The following SP140L variants were observed in gnomAD, a reference collection of about 807,000 sequenced individuals.
SP140L encodes SP140 like nuclear body protein, also known as nuclear body protein SP140-like protein.
SP140L carries 64 observed loss-of-function variants against 84.3 expected under a neutral mutation model. The observed-to-expected ratio is 0.76, with a 90% CI of 0.62 to 0.94. The LOEUF is 0.94. Ranked by LOEUF, SP140L falls within the 40% of genes least tolerant of loss-of-function variation. The pLI, the probability that SP140L is intolerant of heterozygous loss-of-function variation, is 0.00. For missense variants in SP140L, 628 were observed against 692.5 expected (o/e 0.91, Z 1.05); for synonymous variants, 242 against 236.9 (o/e 1.02, Z -0.20).
intron 14 of SP140L, among the ~76,000 whole-genome samples, chr2:230,398,127 A>C (rs1454550046): frequency 6.6e-6 from 1 of 152,196 alleles, no homozygotes; most frequent in Non-Finnish European, 1.5e-5. Flanking sequence ...GGGAAATTCT[A>C]AATTAATCAA....
chr2:230,389,345 A>T (rs6753500), intron 10 of SP140L, among the ~76,000 whole-genome samples: 41,160 of 151,818 alleles, frequency 0.27, 5,968 homozygotes, highest in Non-Finnish European at 0.31. Context: ...ACCCCCTGCT[A>T]GGTACAATTT....
rs1291014971 is a variant in SP140L, at chr2:230,353,900, A to G, written c.108-3905A>G. Among the ~76,000 whole-genome samples, 3 of 152,226 alleles carry G rather than the reference A, an allele frequency of 2.0e-5. No individual in the cohort carries two copies. In the East Asian group the frequency reaches 5.8e-4, roughly 29 times the overall value. ...TTCACTCAATCAGTAGTTACCTTCA[A>G]CTTTTCAAATTCATTGTTTAATCTG... is the stretch of plus-strand genomic sequence containing the variant. On this transcript the variant is annotated intron_variant, in intron 2 of 18. Coordinates refer to ENST00000415673, the MANE Select transcript of SP140L (RefSeq NM_138402.6).
Position 230,327,264 on chromosome 2 carries a change from G to T in SP140L, c.-6G>T. On this transcript the variant is annotated 5_prime_UTR_variant, in exon 1 of 19. Coordinates refer to ENST00000415673, the MANE Select transcript of SP140L (RefSeq NM_138402.6). ...CTGACACCCAGGCAGGGCCTAGGGT[G>T]GGACGATGGCAGGTGGGGGCAGCGA... The T allele has an allele frequency of 1.2e-6, 2 of 1,610,764 alleles. No homozygotes were observed.
At chr2:230,342,145 G>T (rs530521257) in intron 2 of SP140L, 8 of 166,404 alleles carry the variant, frequency 4.8e-5, no homozygotes, top group Admixed American at 4.5e-4. Flanking sequence ...ATCAGTGAGA[G>T]TCCGTGGGCG....
chr2:230,398,763 G>T (rs2149829403), intron 14 of SP140L, among the ~76,000 whole-genome samples: 1 of 152,362 alleles, frequency 6.6e-6, no homozygotes, highest in East Asian at 1.9e-4. Flanking sequence ...AGCCCTGTAG[G>T]CACTCCACAT....
At chr2:230,336,207 AG>A (rs775045000) in intron 2 of SP140L, among the ~76,000 whole-genome samples, 4 of 152,220 alleles carry the variant, frequency 2.6e-5, no homozygotes, top group Non-Finnish European at 5.9e-5. Flanking sequence ...TTATAGTAAT[AG>A]GGGCATAATG....
At chr2:230,340,459 T>C (rs1304859717) in intron 2 of SP140L, among the ~76,000 whole-genome samples, 1 of 149,172 alleles carries the variant, frequency 6.7e-6, no homozygotes, top group Non-Finnish European at 1.5e-5. Flanking sequence ...TGCCAGTCTG[T>C]GTCTTTTACT....
At chr2:230,332,504 T>A (rs2059753691) in intron 2 of SP140L, among the ~76,000 whole-genome samples, 1 of 152,210 alleles carries the variant, frequency 6.6e-6, no homozygotes, top group Non-Finnish European at 1.5e-5. Flanking sequence ...CTAACACTCC[T>A]TTTCATTCCC....
At chr2:230,330,246 A>C (rs1370934932) in intron 2 of SP140L, among the ~76,000 whole-genome samples, 1 of 152,122 alleles carries the variant, frequency 6.6e-6, no homozygotes, top group Non-Finnish European at 1.5e-5. Context: ...TTTTATTCTT[A>C]TCAATTTTTC....
At chr2:230,382,724 C>T (rs1262654047) in intron 7 of SP140L, among the ~76,000 whole-genome samples, 1 of 152,206 alleles carries the variant, frequency 6.6e-6, no homozygotes, top group Admixed American at 6.5e-5. Flanking sequence ...GTCTACAGAA[C>T]ACTTGCAATC....
intron 15 of SP140L, chr2:230,400,617 G>A: frequency 2.0e-6 from 1 of 511,688 alleles, no homozygotes; most frequent in Admixed American, 3.2e-5. Context: ...TTAGGCGGAT[G>A]GAGGCCTGAC....
At chr2:230,393,852 A>C (rs1308828017) in intron 13 of SP140L, among the ~76,000 whole-genome samples, 1 of 152,196 alleles carries the variant, frequency 6.6e-6, no homozygotes, top group African/African-American at 2.4e-5. Context: ...TTTTTCATTG[A>C]TGTTATTATT....
chr2:230,351,007 C>T (rs2060347736), intron 2 of SP140L, among the ~76,000 whole-genome samples: 1 of 152,076 alleles, frequency 6.6e-6, no homozygotes, highest in African/African-American at 2.4e-5. Flanking sequence ...TGGATCATTA[C>T]ATTACCTTTG....
intron 11 of SP140L, among the ~76,000 whole-genome samples, chr2:230,390,317 G>A (rs1019552696): frequency 2.0e-5 from 3 of 152,196 alleles, no homozygotes; most frequent in Non-Finnish European, 2.9e-5. Context: ...AGACAGAAAA[G>A]GGAAGAGGCC....
At chr2:230,362,219 A>G (rs2060741545) in intron 5 of SP140L, among the ~76,000 whole-genome samples, 1 of 152,166 alleles carries the variant, frequency 6.6e-6, no homozygotes. Context: ...TCCAAAAGTC[A>G]CCTTATTAAC....
At chr2:230,377,438 G>T (rs2061278681) in intron 7 of SP140L, among the ~76,000 whole-genome samples, 1 of 152,132 alleles carries the variant, frequency 6.6e-6, no homozygotes. Context: ...TTAACATAAT[G>T]CTTTTGAGAT....
chr2:230,371,427 C>T (rs1332513840), intron 6 of SP140L, among the ~76,000 whole-genome samples, 171 bp from the exon 7 acceptor site: 1 of 152,190 alleles, frequency 6.6e-6, no homozygotes, highest in Non-Finnish European at 1.5e-5. Context: ...AGGGCCCATC[C>T]TAGACTCCTA....
At chr2:230,375,708 G>T (rs1346307748) in intron 7 of SP140L, among the ~76,000 whole-genome samples, 1 of 152,116 alleles carries the variant, frequency 6.6e-6, no homozygotes, top group Non-Finnish European at 1.5e-5. Flanking sequence ...TTGGGAAAAA[G>T]TTTATTCAGA....
intron 5 of SP140L, among the ~76,000 whole-genome samples, chr2:230,370,049 G>A (rs2061011515): frequency 1.3e-5 from 2 of 152,170 alleles, no homozygotes; most frequent in Admixed American, 1.3e-4. Flanking sequence ...TGGGATTACA[G>A]GCATGAGCCA....
Sources: gnomAD v4.1 joint callset for allele counts (sites outside exome capture counted in the v4.1 genomes callset) on GRCh38, gnomAD v4.1.1 for gene constraint, MANE v1.5 for transcripts, NCBI Gene and HGNC (gene_info 2026-07-23, HGNC 2026-07-21) for gene names.